The following RBL1 variants were observed in gnomAD, a reference collection of about 807,000 sequenced individuals.
The protein encoded by RBL1 is RB transcriptional corepressor like 1, also known as retinoblastoma-like protein 1.
Under a neutral mutation model 123.0 loss-of-function variants are expected in RBL1, and 82 were observed. The ratio of observed to expected loss-of-function variants is 0.67; its 90% CI spans 0.56 to 0.80. The LOEUF is 0.80. Among genes scored for constraint, RBL1 ranks in the 30% least tolerant of loss-of-function variants. The pLI is 0.00. For missense variants in RBL1, 1,171 were observed against 1,299.6 expected (o/e 0.90, Z 1.52); for synonymous variants, 405 against 441.3 (o/e 0.92, Z 1.03).
At chr20:37,080,813 T>C (rs1003874838) in intron 2 of RBL1, among the ~76,000 whole-genome samples, 2 of 152,178 alleles carry the variant, frequency 1.3e-5, no homozygotes, top group Non-Finnish European at 2.9e-5. Flanking sequence ...ATTCTTTGCA[T>C]AGGGGGCAAT....
chr20:37,046,938 C>A, intron 12 of RBL1, 115 bp downstream of exon 12: 1 of 1,380,454 alleles, frequency 7.2e-7, no homozygotes, highest in South Asian at 1.7e-5. Context: ...CAGAACACAT[C>A]TGGAAACACT....
At position 37,067,288 on chromosome 20, in the gene RBL1, A is replaced by C; in HGVS notation, c.501T>G (p.Pro167=). The change falls in exon 4 of 22, where the codon CCT becomes CCG. Residue 167 remains proline (P), a synonymous_variant. Coordinates refer to ENST00000373664, the MANE Select transcript of RBL1 (RefSeq NM_002895.5). ...AATTAAACAGATCCTTAACACTGCA[A>C]GGAATCCTCCTAAAAAGGGAAAAAA... ...LPRSRKQRRI[P]CSVKDLFNFC... is the part of the protein sequence containing the mutation. The C allele has an allele frequency of 2.5e-6, 4 of 1,602,326 alleles. No individual in the cohort carries two copies. The highest frequency in any genetic ancestry group is 2.5e-6 in the Non-Finnish European group (3 of 1,176,658).
Position 37,020,659 on chromosome 20 carries a change from G to A in RBL1, c.2631C>T (p.His877=), listed in dbSNP as rs779030347. 1.9e-6 allele frequency: 3 copies of A among 1,567,000 alleles called. No individual in the cohort carries two copies. Among genetic ancestry groups the A allele is most frequent in the African/African-American group, 2.7e-5 (2 of 73,474 alleles). ...CAGTAGGAAAAATAATGTAACTCACGTGACTATTAGCTTGGGGCTGATTCC... is the reference window on the plus strand; with the variant it reads ...CAGTAGGAAAAATAATGTAACTCACATGACTATTAGCTTGGGGCTGATTCC... The part of the protein sequence containing the change: ...SYRNQPQANS[H]VYRSVLLKSI... The change falls in exon 18 of 22, where the codon CAC becomes CAT. Residue 877 remains histidine (H), a splice_region_variant and synonymous_variant. Coordinates refer to ENST00000373664, the MANE Select transcript of RBL1 (RefSeq NM_002895.5).
intron 16 of RBL1, among the ~76,000 whole-genome samples, chr20:37,028,705 A>T (rs1379177486): frequency 2.0e-5 from 3 of 152,318 alleles, no homozygotes; most frequent in Non-Finnish European, 4.4e-5. Context: ...GAGGCTGGCC[A>T]ACTACTTACT....
At chr20:37,009,990 A>C (rs1182796408) in intron 19 of RBL1, among the ~76,000 whole-genome samples, 1 of 151,970 alleles carries the variant, frequency 6.6e-6, no homozygotes, top group Non-Finnish European at 1.5e-5. Context: ...GCCCCATTAC[A>C]TTCCAGCCTG....
chr20:37,067,270 C>T lies in RBL1; in HGVS notation c.519G>A (p.Leu173=), dbSNP rs2146303342. Residue 173 remains leucine (L), a synonymous_variant, in exon 4 of 22, where the codon CTG becomes CTA. Coordinates refer to ENST00000373664, the MANE Select transcript of RBL1 (RefSeq NM_002895.5). ...QRRIPCSVKD[L]FNFCWTLFVY... ...CAAAAAGTGTCCAACAGAAATTAAA[C>T]AGATCCTTAACACTGCAAGGAATCC... 1 of 1,606,784 alleles carries T rather than the reference C, an allele frequency of 6.2e-7. No individual in the cohort carries two copies. Among genetic ancestry groups the T allele is most frequent in the Non-Finnish European group, 8.5e-7 (1 of 1,178,028 alleles).
chr20:37,015,379 C>A (rs1194359798), intron 19 of RBL1, among the ~76,000 whole-genome samples: 1 of 151,940 alleles, frequency 6.6e-6, no homozygotes. Flanking sequence ...AGAAAAACCA[C>A]CCTGGATAGG....
chr20:37,067,928 T>C (rs2146304555), intron 3 of RBL1, 58 bp downstream of exon 3: 1 of 1,544,762 alleles, frequency 6.5e-7, no homozygotes, highest in Non-Finnish European at 8.7e-7. Flanking sequence ...CAAAAAAGTA[T>C]ATTCTCTTAG....
intron 16 of RBL1, among the ~76,000 whole-genome samples, chr20:37,032,011 G>T (rs1485531622): frequency 6.6e-6 from 1 of 150,390 alleles, no homozygotes; most frequent in African/African-American, 2.5e-5. Flanking sequence ...GCCTCATAAA[G>T]TGCTGGGTTT....
At chr20:37,062,315 G>A in intron 7 of RBL1, 45 bp from the exon 8 acceptor site, 1 of 1,573,986 alleles carries the variant, frequency 6.4e-7, no homozygotes, top group Non-Finnish European at 8.6e-7. Context: ...GTTACACAAT[G>A]GATTTATTTT....
Position 37,047,064 on chromosome 20 carries a change from A to T in RBL1, c.1594T>A (p.Tyr532Asn). 3 of 1,584,608 alleles carry T rather than the reference A, an allele frequency of 1.9e-6. No homozygotes were observed. Among genetic ancestry groups the T allele is most frequent in the Non-Finnish European group, 2.6e-6 (3 of 1,173,390 alleles). ...TGTTTTCATCTCACCTTATAAAAGT[A>T]AAATGGTTGCAAGTTGAGAACTTCA... ...IIEVLNLQPF[Y>N]FYKVIEVVIR... The change falls in exon 12 of 22, where the codon TAC becomes AAC. Residue 532 changes from tyrosine to asparagine, a missense_variant. Coordinates refer to ENST00000373664, the MANE Select transcript of RBL1 (RefSeq NM_002895.5).
chr20:37,075,226 G>A (rs2065345410), intron 2 of RBL1, among the ~76,000 whole-genome samples: 1 of 152,192 alleles, frequency 6.6e-6, no homozygotes, highest in East Asian at 1.9e-4. Flanking sequence ...AATACGAAGT[G>A]AATGCTAACA....
At chr20:37,008,445 A>G (rs1162694836) in intron 19 of RBL1, among the ~76,000 whole-genome samples, 2 of 152,190 alleles carry the variant, frequency 1.3e-5, no homozygotes, top group African/African-American at 2.4e-5. Flanking sequence ...AGCACCCTCA[A>G]TTGTAAAATA....
intron 21 of RBL1, 157 bp downstream of exon 21, chr20:37,003,545 T>C (rs1162150094): frequency 8.0e-7 from 1 of 1,252,086 alleles, no homozygotes; most frequent in African/African-American, 1.5e-5. Flanking sequence ...TCAAACTGAA[T>C]ATACTGCTCT....
chr20:37,085,289 C>G (rs779122342), intron 2 of RBL1, among the ~76,000 whole-genome samples: 3 of 151,726 alleles, frequency 2.0e-5, no homozygotes, highest in Admixed American at 6.6e-5. Context: ...CCCGCAACCA[C>G]GCCCAGCTAA....
chr20:37,072,920 T>C (rs1445901020), intron 2 of RBL1, among the ~76,000 whole-genome samples: 1 of 152,200 alleles, frequency 6.6e-6, no homozygotes, highest in Non-Finnish European at 1.5e-5. Flanking sequence ...ACCTATCCAA[T>C]ACTTCTTTTA....
At chr20:37,075,923 G>A (rs750484678) in intron 2 of RBL1, among the ~76,000 whole-genome samples, 1 of 152,174 alleles carries the variant, frequency 6.6e-6, no homozygotes, top group Non-Finnish European at 1.5e-5. Context: ...GTGTGAAGGT[G>A]TTGTTTTTTA....
intron 19 of RBL1, among the ~76,000 whole-genome samples, chr20:37,017,052 A>G (rs1390782020): frequency 2.0e-5 from 3 of 151,764 alleles, no homozygotes; most frequent in Non-Finnish European, 4.4e-5. Context: ...AATGACCTAA[A>G]TGTCTCACAC....
chr20:37,065,632 ATAACTTTTTTTTT>A (rs944293074), intron 6 of RBL1, among the ~76,000 whole-genome samples, 159 bp from the exon 7 acceptor site: 10 of 151,758 alleles, frequency 6.6e-5, no homozygotes, highest in African/African-American at 1.2e-4. Context: ...TAGCATGCAA[ATAACTTTTTTTTT>A]TAACTTTTTT....
Sources: gnomAD v4.1 joint callset for allele counts (sites outside exome capture counted in the v4.1 genomes callset) on GRCh38, gnomAD v4.1.1 for gene constraint, MANE v1.5 for transcripts, NCBI Gene and HGNC (gene_info 2026-07-23, HGNC 2026-07-21) for gene names.